The following SUSD1 variants were observed in gnomAD, a reference collection of about 807,000 sequenced individuals.
SUSD1 encodes sushi domain containing 1.
A neutral mutation model predicts 86.9 loss-of-function variants in SUSD1; 65 were observed. That is an observed-to-expected ratio of 0.75 (90% CI 0.61 to 0.92). The LOEUF (loss-of-function observed/expected upper bound fraction) is 0.92. SUSD1 is among the 40% of genes least tolerant of loss of function. SUSD1 has a pLI of 0.00. For synonymous variants in SUSD1, 346 were observed against 350.0 expected (o/e 0.99, Z 0.13); for missense variants, 850 against 929.7 (o/e 0.91, Z 1.11).
At position 112,042,026 on chromosome 9, in the gene SUSD1, C is replaced by G. The variant is rs1827762957; in HGVS notation, c.2150-66G>C. On this transcript the variant is annotated intron_variant, in intron 15 of 16. Transcript: ENST00000374270. The stretch of plus-strand genomic sequence containing the variant: ...ATCACCACCTCCCAGGAGGCACACA[C>G]CCCACTGTGCTCAATCCATTTTAAC... 4 of 1,583,830 alleles carry G rather than the reference C, an allele frequency of 2.5e-6. No individual in the cohort carries two copies. In the African/African-American group the frequency reaches 4.1e-5, roughly 16 times the overall value.
chr9:112,089,055 T>G (rs1830096670), intron 10 of SUSD1, among the ~76,000 whole-genome samples: 1 of 152,200 alleles, frequency 6.6e-6, no homozygotes, highest in South Asian at 2.1e-4. Flanking sequence ...TACAGTGAGC[T>G]ATGATCAATC....
rs150720171 is a variant in SUSD1 at position 112,041,407 on chromosome 9, C to T, written c.*85G>A. Reference sequence around the variant, plus strand: ...ACATGCTCCCTGGACGGAAGTCACACGGAGCCTCTGTGCGGGCACCTGAGA... The same window carrying T: ...ACATGCTCCCTGGACGGAAGTCACATGGAGCCTCTGTGCGGGCACCTGAGA... On this transcript the variant is annotated 3_prime_UTR_variant, in exon 17 of 17. Coordinates refer to ENST00000374270, the MANE Select transcript of SUSD1 (RefSeq NM_022486.5). The T allele has an allele frequency of 1.5e-5, 12 of 778,926 alleles. No individual in the cohort carries two copies. Among genetic ancestry groups the T allele is most frequent in the Middle Eastern group, 5.1e-4 (2 of 3,942 alleles). 48.3% of individuals were successfully genotyped at this position (778,926 alleles called of 1,614,324 possible).
chr9:112,152,640 C>A (rs1011283731), intron 2 of SUSD1, among the ~76,000 whole-genome samples: 1 of 149,352 alleles, frequency 6.7e-6, no homozygotes, highest in Admixed American at 6.7e-5. Flanking sequence ...GAACTCCTGG[C>A]CTCAAGGATT....
intron 6 of SUSD1, among the ~76,000 whole-genome samples, chr9:112,122,262 G>A (rs1438157519): frequency 6.6e-6 from 1 of 152,144 alleles, no homozygotes; most frequent in Non-Finnish European, 1.5e-5. Context: ...CTGGGTTCAA[G>A]CAATTCTCCT....
At chr9:112,114,297 A>G (rs1264430622) in intron 6 of SUSD1, among the ~76,000 whole-genome samples, 1 of 152,210 alleles carries the variant, frequency 6.6e-6, no homozygotes, top group African/African-American at 2.4e-5. Flanking sequence ...AGCCTGGCTA[A>G]CATGGCAAAA....
intron 5 of SUSD1, 102 bp downstream of exon 5, chr9:112,142,218 T>A: frequency 1.0e-6 from 1 of 981,238 alleles, no homozygotes. Context: ...ATTTTAAAGG[T>A]TTACTTAACT....
chr9:112,143,324 G>A (rs1832664471), intron 4 of SUSD1, 147 bp downstream of exon 4: 1 of 757,770 alleles, frequency 1.3e-6, no homozygotes, highest in Admixed American at 3.2e-5. Flanking sequence ...CTTGATTGTT[G>A]TTATTTGCTT....
chr9:112,089,695 C>G (rs532902820), intron 10 of SUSD1, among the ~76,000 whole-genome samples: 12 of 151,586 alleles, frequency 7.9e-5, no homozygotes, highest in South Asian at 2.1e-4. Context: ...GCCTGTAGTC[C>G]CATCTACTCG....
chr9:112,157,461 G>A (rs187572828), intron 2 of SUSD1, 39 bp downstream of exon 2: 63 of 1,416,038 alleles, frequency 4.4e-5, no homozygotes, highest in Admixed American at 8.9e-5. Flanking sequence ...CTTGTTTCTC[G>A]ATTCAGCTTT....
chr9:112,133,828 T>C (rs1294060257), intron 5 of SUSD1, among the ~76,000 whole-genome samples: 2 of 152,006 alleles, frequency 1.3e-5, no homozygotes, highest in African/African-American at 4.8e-5. Flanking sequence ...CTGACAAAGG[T>C]CTAATATCCA....
intron 10 of SUSD1, among the ~76,000 whole-genome samples, chr9:112,097,370 A>G (rs1411566539): frequency 6.7e-6 from 1 of 149,614 alleles, no homozygotes; most frequent in Non-Finnish European, 1.5e-5. Context: ...CGTGGCTCTC[A>G]TGAGTGTCTA....
chr9:112,055,142 C>T (rs762655248), intron 14 of SUSD1, among the ~76,000 whole-genome samples: 6 of 152,168 alleles, frequency 3.9e-5, no homozygotes, highest in Non-Finnish European at 7.3e-5. Context: ...GATGCCATCT[C>T]ATGCTGGGAG....
chr9:112,051,176 TTATG>T (rs1376458730), intron 15 of SUSD1, among the ~76,000 whole-genome samples: 1 of 152,170 alleles, frequency 6.6e-6, no homozygotes, highest in Non-Finnish European at 1.5e-5. Flanking sequence ...CCCTCTCATA[TTATG>T]TATTATGGTT....
chr9:112,115,670 G>A (rs570938096), intron 6 of SUSD1, among the ~76,000 whole-genome samples: 5 of 151,824 alleles, frequency 3.3e-5, no homozygotes, highest in Non-Finnish European at 7.4e-5. Context: ...TTAGCCAAGC[G>A]TGGTGGTACA....
intron 15 of SUSD1, among the ~76,000 whole-genome samples, chr9:112,047,134 G>C (rs1827990219): frequency 6.6e-6 from 1 of 152,128 alleles, no homozygotes; most frequent in Non-Finnish European, 1.5e-5. Flanking sequence ...GGCAAGGCTA[G>C]GGAGGCCCCA....
chr9:112,161,652 G>A (rs560652258), intron 1 of SUSD1, among the ~76,000 whole-genome samples: 9 of 152,020 alleles, frequency 5.9e-5, no homozygotes, highest in Admixed American at 6.6e-5. Context: ...GTGAAACACC[G>A]TCTTTACTAA....
chr9:112,158,044 G>C (rs143808164), intron 1 of SUSD1, among the ~76,000 whole-genome samples: 1 of 151,308 alleles, frequency 6.6e-6, no homozygotes, highest in Admixed American at 6.6e-5. Flanking sequence ...GGCTGGTCTC[G>C]AAATCCTGAG....
At chr9:112,136,309 C>T (rs578072056) in intron 5 of SUSD1, among the ~76,000 whole-genome samples, 46 of 152,300 alleles carry the variant, frequency 3.0e-4, no homozygotes, top group South Asian at 1.9e-3. Context: ...TCACAGCTCA[C>T]TGTAACCTTG....
intron 10 of SUSD1, among the ~76,000 whole-genome samples, chr9:112,090,675 G>A (rs1647505365): frequency 6.6e-6 from 1 of 151,884 alleles, no homozygotes. Context: ...TGACCAAGTG[G>A]GATATATTAC....
Sources: allele counts gnomAD v4.1 joint callset (sites outside exome capture counted in the v4.1 genomes callset), GRCh38; gene constraint gnomAD v4.1.1; transcripts MANE v1.5; gene names NCBI Gene and HGNC (gene_info 2026-07-23, HGNC 2026-07-21).